FAM120C: variants seen among roughly 807,000 people sequenced by gnomAD.
FAM120C encodes constitutive coactivator of PPAR-gamma-like protein 2.
Under a neutral mutation model 71.2 loss-of-function variants are expected in FAM120C, and 14 were observed. The observed-to-expected ratio is 0.20, with a 90% CI of 0.13 to 0.31. The LOEUF (loss-of-function observed/expected upper bound fraction) is 0.31, where lower values mean the gene tolerates loss of function less well. Among genes scored for constraint, FAM120C ranks in the 10% least tolerant of loss-of-function variants. The pLI, the probability that FAM120C is intolerant of heterozygous loss-of-function variation, is 1.00. For missense variants in FAM120C, 500 were observed against 879.0 expected (o/e 0.57, Z 5.45); for synonymous variants, 354 against 353.2 (o/e 1.00, Z -0.03).
intron 5 of FAM120C, among the ~76,000 whole-genome samples, chrX:54,136,039 C>T (rs1409245986): frequency 9.4e-6 from 1 of 106,330 alleles, no homozygotes; most frequent in Non-Finnish European, 1.9e-5. Context: ...ACTCTTGTTG[C>T]CCAGGCTGGA....
intron 15 of FAM120C, among the ~76,000 whole-genome samples, chrX:54,076,441 G>A: frequency 9.0e-6 from 1 of 111,102 alleles, no homozygotes; most frequent in Non-Finnish European, 1.9e-5. Context: ...TAATAAGCTG[G>A]AACATTTTAT....
Position 54,097,902 on chromosome X carries a change from A to G in FAM120C, c.2313-6476T>C, listed in dbSNP as rs782235952. ...CTACCACGCCCGGCTAATTTTTTGT[A>G]TTTTTAGTAGAGACGGGGTTTGACC... On this transcript the variant is annotated intron_variant, in intron 10 of 15. Transcript: ENST00000375180. 6.4e-5 allele frequency among the ~76,000 whole-genome samples: 7 copies of G among 109,414 alleles called. No homozygotes were observed. In the Admixed American group the frequency reaches 6.9e-4, roughly 11 times the overall value.
intron 10 of FAM120C, among the ~76,000 whole-genome samples, chrX:54,101,109 G>A (rs183699968): frequency 1.8e-5 from 2 of 111,837 alleles, no homozygotes; most frequent in East Asian, 5.6e-4. Flanking sequence ...TAGAGGTTGC[G>A]AAGCCTCCAC....
Position 54,183,139 on chromosome X carries a change from G to A in FAM120C, c.60C>T (p.Pro20=), listed in dbSNP as rs781900018. 1.5e-5 allele frequency: 17 copies of A among 1,150,725 alleles called. No individual in the cohort carries two copies. In the South Asian group the frequency reaches 3.1e-4, roughly 21 times the overall value. 94.8% of individuals were successfully genotyped at this position (1,150,725 alleles called of 1,213,427 possible). A position where few individuals can be genotyped will look rare whatever the true frequency, so the allele number is the denominator to read the frequency against. The change falls in exon 1 of 16, where the codon CCC becomes CCT. Residue 20 remains proline (P), a synonymous_variant. Transcript: ENST00000375180. ...LEKRCPGAVV[P]VDLLKLARTV... ...TGCGCGCGAGTTTTAGGAGGTCCAC[G>A]GGCACCACGGCCCCGGGACAGCGCT...
intron 10 of FAM120C, among the ~76,000 whole-genome samples, chrX:54,100,624 C>T (rs1181074475): frequency 1.8e-5 from 2 of 112,091 alleles, no homozygotes; most frequent in African/African-American, 6.5e-5. Context: ...CAGTGAACTG[C>T]ACTTCAACCT....
At chrX:54,093,674 T>G (rs2066834988) in intron 10 of FAM120C, among the ~76,000 whole-genome samples, 1 of 111,540 alleles carries the variant, frequency 9.0e-6, no homozygotes, top group African/African-American at 3.2e-5. Flanking sequence ...TGAGACAGAA[T>G]GTAGGGTCTA....
intron 4 of FAM120C, among the ~76,000 whole-genome samples, chrX:54,136,914 T>C (rs1557130675): frequency 9.1e-6 from 1 of 110,055 alleles, no homozygotes; most frequent in Non-Finnish European, 1.9e-5. Flanking sequence ...ATTGGTGTCT[T>C]TCCTTACAGT....
intron 10 of FAM120C, among the ~76,000 whole-genome samples, chrX:54,096,566 T>G (rs182229988): frequency 4.5e-5 from 5 of 111,875 alleles, no homozygotes; most frequent in African/African-American, 1.6e-4. Context: ...ATATCTTGCT[T>G]TTTTCACTCG....
chrX:54,116,564 G>A lies in FAM120C; in HGVS notation c.2293C>T (p.Leu765Phe). The A allele has an allele frequency of 8.3e-7, 1 of 1,211,548 alleles. No homozygotes were observed. The highest frequency in any genetic ancestry group is 1.8e-5 in the South Asian group (1 of 56,875). The change falls in exon 10 of 16, where the codon CTC (leucine) becomes TTC (phenylalanine). Residue 765 changes from leucine (L) to phenylalanine (F), a missense_variant. By Grantham distance (22) the Leu-to-Phe change is conservative. Transcript: ENST00000375180. Reference sequence around the variant, plus strand: ...GCTTACCGGAGTACACAACACATGAGCAGCAGATGGGTGGGGACATTAGCT... The same window carrying A: ...GCTTACCGGAGTACACAACACATGAACAGCAGATGGGTGGGGACATTAGCT... Reference protein sequence around the residue: ...NPANVPTHLLLMCCVLRYMVQ... With the variant: ...NPANVPTHLLFMCCVLRYMVQ...
chrX:54,115,351 TAGA>T (rs1569532300), intron 10 of FAM120C, among the ~76,000 whole-genome samples: 1 of 111,701 alleles, frequency 9.0e-6, no homozygotes, highest in Non-Finnish European at 1.9e-5. Context: ...AGCATAAAAA[TAGA>T]AGATCAACCT....
At chrX:54,118,699 C>CTTTTT (rs1187381929) in intron 9 of FAM120C, among the ~76,000 whole-genome samples, 2 of 31,732 alleles carry the variant, frequency 6.3e-5, no homozygotes, top group African/African-American at 2.8e-4. Context: ...TTCTTTTTTT[C>CTTTTT]TTTTTTTTTT....
At chrX:54,118,137 C>T (rs1399594074) in intron 9 of FAM120C, among the ~76,000 whole-genome samples, 3 of 108,929 alleles carry the variant, frequency 2.8e-5, no homozygotes, top group African/African-American at 6.7e-5. Context: ...GCAGGAGAAT[C>T]GCTTGAACCC....
At chrX:54,096,430 A>G (rs1252730217) in intron 10 of FAM120C, among the ~76,000 whole-genome samples, 1 of 111,666 alleles carries the variant, frequency 9.0e-6, no homozygotes, top group Admixed American at 9.6e-5. Context: ...AAAAATAAAA[A>G]AATGAAATAA....
chrX:54,128,897 C>T (rs1310041702), intron 9 of FAM120C, among the ~76,000 whole-genome samples: 14 of 110,589 alleles, frequency 1.3e-4, no homozygotes, highest in Admixed American at 7.6e-4. Flanking sequence ...AGCAACCATC[C>T]GATTTCTCAA....
At chrX:54,086,588 T>C (rs978646081) in intron 12 of FAM120C, among the ~76,000 whole-genome samples, 1 of 108,655 alleles carries the variant, frequency 9.2e-6, no homozygotes, top group Non-Finnish European at 1.9e-5. Flanking sequence ...ACCCCATCTT[T>C]ACTAAAAATA....
Position 54,072,100 on chromosome X carries a change from ACATT to A in FAM120C, c.*929_*932del, listed in dbSNP as rs1470453951. Reference sequence around the variant, plus strand: ...AAAGGGTATGTGTATGCATATACACACATTCATATATACACCCACCCACACAACA... The same window carrying A: ...AAAGGGTATGTGTATGCATATACACACATATATACACCCACCCACACAACA... On this transcript the variant is annotated 3_prime_UTR_variant, in exon 16 of 16. Transcript: ENST00000375180. 9.5e-6 allele frequency: 1 copy of A among 105,228 alleles called. No individual in the cohort carries two copies. Among genetic ancestry groups the A allele is most frequent in the Non-Finnish European group, 2.0e-5 (1 of 51,250 alleles). 8.7% of individuals were successfully genotyped at this position (105,228 alleles called of 1,213,427 possible). A position where few individuals can be genotyped will look rare whatever the true frequency, so the allele number is the denominator to read the frequency against.
chrX:54,102,162 G>A (rs2066885761), intron 10 of FAM120C, among the ~76,000 whole-genome samples: 1 of 109,102 alleles, frequency 9.2e-6, no homozygotes, highest in Admixed American at 9.9e-5. Context: ...GGCCTCCCAA[G>A]TAGCTGAGAC....
intron 10 of FAM120C, among the ~76,000 whole-genome samples, chrX:54,105,148 G>A (rs782187175): frequency 3.6e-5 from 4 of 111,478 alleles, no homozygotes; most frequent in African/African-American, 1.3e-4. Context: ...ACATCGATGC[G>A]AAAATCGTCA....
At chrX:54,104,574 G>A (rs1226240369) in intron 10 of FAM120C, among the ~76,000 whole-genome samples, 3 of 111,485 alleles carry the variant, frequency 2.7e-5, no homozygotes, top group African/African-American at 9.8e-5. Flanking sequence ...TTGAGAGGCC[G>A]AGGCGGGCAG....
Sources: gnomAD v4.1 joint callset for allele counts (sites outside exome capture counted in the v4.1 genomes callset) on GRCh38, gnomAD v4.1.1 for gene constraint, MANE v1.5 for transcripts, NCBI Gene and HGNC (gene_info 2026-07-23, HGNC 2026-07-21) for gene names.